DSG4: variants seen among roughly 807,000 people sequenced by gnomAD.
DSG4 encodes the protein desmoglein-4.
Under a neutral mutation model 93.1 loss-of-function variants are expected in DSG4, and 87 were observed. The ratio of observed to expected loss-of-function variants is 0.93; its 90% CI spans 0.79 to 1.12. DSG4 has a LOEUF of 1.12. Ranked by LOEUF, DSG4 falls within the 50% of genes most tolerant of loss-of-function variation. The probability of loss-of-function intolerance (pLI) is 0.00; values close to 1 mark genes in which losing one functional copy is unlikely to be tolerated. For synonymous variants in DSG4, 432 were observed against 452.9 expected, an observed-to-expected ratio of 0.95 and a Z score of 0.59; for missense variants, 1,373 against 1,285.7, an observed-to-expected ratio of 1.07 and a Z score of -1.04.
intron 2 of DSG4, among the ~76,000 whole-genome samples, chr18:31,386,435 G>A (rs1391952623): frequency 6.6e-6 from 1 of 152,134 alleles, no homozygotes; most frequent in African/African-American, 2.4e-5. Context: ...CACATCATGA[G>A]CTCCTCAAGT....
At chr18:31,410,806 C>G (rs1416752222) in intron 14 of DSG4, among the ~76,000 whole-genome samples, 1 of 152,172 alleles carries the variant, frequency 6.6e-6, no homozygotes, top group Non-Finnish European at 1.5e-5. Flanking sequence ...ACTGAACATC[C>G]CTGTGAGCCC....
Position 31,411,223 on chromosome 18 carries a change from C to A in DSG4, c.2138-8C>A, listed in dbSNP as rs370937910. The A allele has an allele frequency of 6.2e-7, 1 of 1,613,554 alleles. No homozygotes were observed. ...CAGCGCTGTTAAACCAACATCCTCC[C>A]TTTTCAGAAATCTACACCAACACCT... On this transcript the variant is annotated splice_region_variant and splice_polypyrimidine_tract_variant and intron_variant, in intron 14 of 15. Transcript: ENST00000308128.
At chr18:31,381,336 C>T (rs1659003844) in intron 1 of DSG4, among the ~76,000 whole-genome samples, 2 of 151,834 alleles carry the variant, frequency 1.3e-5, no homozygotes, top group Admixed American at 6.6e-5. Flanking sequence ...GTTAACAAAA[C>T]CATTTGAAGA....
intron 14 of DSG4, chr18:31,411,024 C>A: frequency 6.9e-7 from 1 of 1,442,322 alleles, no homozygotes; most frequent in Non-Finnish European, 9.3e-7. Flanking sequence ...CGTCCCACCA[C>A]TGACTCCCTC....
rs1329571095 is a variant in DSG4 at position 31,409,778 on chromosome 18, T to C, written c.2107T>C (p.Ser703Pro). The change falls in exon 14 of 16, where the codon TCA becomes CCA. Residue 703 changes from serine to proline, a missense_variant. Ser to Pro is a moderately conservative substitution (Grantham distance 74). Transcript: ENST00000308128. ...VSNICAPMTA[S>P]NTQDRMDSSE... The stretch of plus-strand genomic sequence containing the variant: ...AAATATATGTGCACCCATGACAGCC[T>C]CAAATACCCAGGATCGGATGGATTC... 3.7e-6 allele frequency: 6 copies of C among 1,614,118 alleles called. No individual in the cohort carries two copies. Among genetic ancestry groups the C allele is most frequent in the Non-Finnish European group, 5.1e-6 (6 of 1,180,052 alleles).
rs898206436 is a variant in DSG4, at chr18:31,388,400, A to G, written c.250A>G (p.Thr84Ala). The G allele has an allele frequency of 6.2e-7, 1 of 1,613,394 alleles. No individual in the cohort carries two copies. Among genetic ancestry groups the G allele is most frequent in the Non-Finnish European group, 8.5e-7 (1 of 1,179,612 alleles). The change falls in exon 4 of 16, where the codon ACA becomes GCA. Residue 84 changes from threonine to alanine, a missense_variant. Physicochemically the swap from Thr to Ala is moderately conservative, Grantham distance 58. Coordinates refer to ENST00000308128, the MANE Select transcript of DSG4 (RefSeq NM_177986.5). Reference sequence around the variant, plus strand: ...AGACTGCGAATCGAACCAGAAGATAACATACCGGATTTCTGGAGTAGGGAT... The same window carrying G: ...AGACTGCGAATCGAACCAGAAGATAGCATACCGGATTTCTGGAGTAGGGAT... Reference protein sequence around the residue: ...RSDCESNQKITYRISGVGIDR... With the variant: ...RSDCESNQKIAYRISGVGIDR...
At chr18:31,380,387 G>A (rs1020653833) in intron 1 of DSG4, among the ~76,000 whole-genome samples, 1 of 152,170 alleles carries the variant, frequency 6.6e-6, no homozygotes, top group African/African-American at 2.4e-5. Flanking sequence ...CGTTGTTTAA[G>A]CTGCAGTAAT....
intron 5 of DSG4, among the ~76,000 whole-genome samples, chr18:31,389,809 A>G (rs1474355537): frequency 1.3e-5 from 2 of 152,160 alleles, no homozygotes; most frequent in Non-Finnish European, 2.9e-5. Flanking sequence ...AGATAAACAC[A>G]AAATTTTTTT....
At position 31,400,919 on chromosome 18, in the gene DSG4, T is replaced by C. The variant is rs113255372; in HGVS notation, c.1316T>C (p.Ile439Thr). The C allele has an allele frequency of 1.2e-3, 1,896 of 1,612,648 alleles. 16 individuals are homozygous for C. The African/African-American group carries it at 0.023, about 19-fold the overall frequency. Residue 439 changes from isoleucine (I) to threonine (T), a missense_variant, in exon 10 of 16, where the codon ATT becomes ACT. By Grantham distance (89) the Ile-to-Thr change is moderately conservative. Transcript: ENST00000308128. ...CATGATGCAGGCAGCTGGTTAAAAA[T>C]TGATTCAAGAACTGGTGAGATACAA... The part of the protein sequence containing the change: ...IGHDAGSWLK[I>T]DSRTGEIQFS...
Position 31,413,352 on chromosome 18 carries a change from C to A in DSG4, c.2880C>A (p.Asn960Lys), listed in dbSNP as rs761115649. The change falls in exon 16 of 16, where the codon AAC (asparagine) becomes AAA (lysine). Residue 960 changes from asparagine to lysine, a missense_variant. Transcript: ENST00000308128. ...ICVPAELADYNNVIYAERVLA... is the reference protein window; with the variant it reads ...ICVPAELADYKNVIYAERVLA... ...TACCTGCTGAGTTAGCAGATTACAACAATGTAATCTATGCTGAGAGAGTAC... is the reference window on the plus strand; with the variant it reads ...TACCTGCTGAGTTAGCAGATTACAAAAATGTAATCTATGCTGAGAGAGTAC... 1 of 1,614,106 alleles carries A rather than the reference C, an allele frequency of 6.2e-7. No homozygotes were observed.
At chr18:31,387,833 G>A (rs1457124990) in intron 3 of DSG4, among the ~76,000 whole-genome samples, 2 of 152,100 alleles carry the variant, frequency 1.3e-5, no homozygotes, top group Non-Finnish European at 2.9e-5. Context: ...CAAAATCTGT[G>A]TGGCAGAATA....
chr18:31,402,888 A>G (rs891860582), intron 10 of DSG4, among the ~76,000 whole-genome samples: 2 of 152,214 alleles, frequency 1.3e-5, no homozygotes, highest in African/African-American at 4.8e-5. Context: ...ATGCCATTTC[A>G]GAAAGAAATA....
intron 11 of DSG4, among the ~76,000 whole-genome samples, chr18:31,404,594 C>A (rs75106308): frequency 3.9e-5 from 6 of 152,126 alleles, no homozygotes; most frequent in Admixed American, 2.6e-4. Flanking sequence ...TTAAGGTCAC[C>A]AAGCCCCTCT....
chr18:31,388,534 C>A lies in DSG4; in HGVS notation c.372+12C>A, dbSNP rs762540649. 17 of 1,612,790 alleles carry A rather than the reference C, an allele frequency of 1.1e-5. No homozygotes were observed. The South Asian group carries it at 1.9e-4, about 18-fold the overall frequency. On this transcript the variant is annotated intron_variant, in intron 4 of 15. Coordinates refer to ENST00000308128, the MANE Select transcript of DSG4 (RefSeq NM_177986.5). ...CTCCACTTTTCTTGGTAAGTCATAG[C>A]CATATGTTTTGATTTGTTCATATTA...
At chr18:31,411,093 G>C (rs1568073671) in intron 14 of DSG4, 138 bp from the exon 15 acceptor site, 5 of 1,578,722 alleles carry the variant, frequency 3.2e-6, no homozygotes, top group Non-Finnish European at 4.3e-6. Flanking sequence ...GGTGTAACTT[G>C]TATCTCTCTT....
At chr18:31,378,380 A>C (rs1270330000) in intron 1 of DSG4, among the ~76,000 whole-genome samples, 1 of 152,108 alleles carries the variant, frequency 6.6e-6, no homozygotes, top group East Asian at 1.9e-4. Context: ...GACTCAGATA[A>C]ACTTTTGGTT....
intron 1 of DSG4, among the ~76,000 whole-genome samples, chr18:31,378,855 A>G (rs2072104701): frequency 6.6e-6 from 1 of 152,180 alleles, no homozygotes; most frequent in Non-Finnish European, 1.5e-5. Context: ...GAAAGTAGAC[A>G]TGCCTACTTC....
Position 31,388,808 on chromosome 18 carries a change from T to C in DSG4, c.373-66T>C, listed in dbSNP as rs2072217172. The C allele has an allele frequency of 3.1e-6, 5 of 1,610,358 alleles. No individual in the cohort carries two copies. The Admixed American group carries it at 5.0e-5, about 16-fold the overall frequency. On this transcript the variant is annotated intron_variant, in intron 4 of 15. Transcript: ENST00000308128. Reference sequence around the variant, plus strand: ...TTGTTTCTTTGCCTATTTTCTGATATATTTTCAAGCATGTTACTAAAATTC... The same window carrying C: ...TTGTTTCTTTGCCTATTTTCTGATACATTTTCAAGCATGTTACTAAAATTC...
rs534276605 is a variant in DSG4 at position 31,388,785 on chromosome 18, G to A, written c.373-89G>A. The A allele has an allele frequency of 5.0e-6, 8 of 1,595,170 alleles. No homozygotes were observed. The East Asian group carries it at 1.6e-4, about 31-fold the overall frequency. Reference sequence around the variant, plus strand: ...CAGTCTGAATTCACTGGAAAAAATTGTTTCTTTGCCTATTTTCTGATATAT... The same window carrying A: ...CAGTCTGAATTCACTGGAAAAAATTATTTCTTTGCCTATTTTCTGATATAT... On this transcript the variant is annotated intron_variant, in intron 4 of 15. Coordinates refer to ENST00000308128, the MANE Select transcript of DSG4 (RefSeq NM_177986.5).
Sources: gnomAD v4.1 joint callset for allele counts (sites outside exome capture counted in the v4.1 genomes callset) on GRCh38, gnomAD v4.1.1 for gene constraint, MANE v1.5 for transcripts, NCBI Gene and HGNC (gene_info 2026-07-23, HGNC 2026-07-21) for gene names.